AQR: variants seen among roughly 807,000 people sequenced by gnomAD.
The protein encoded by AQR is RNA helicase aquarius.
A neutral mutation model predicts 180.5 loss-of-function variants in AQR; 61 were observed. The observed-to-expected ratio is 0.34, with a 90% CI of 0.28 to 0.42. AQR has a LOEUF of 0.42. Among genes scored for constraint, AQR ranks in the 10% least tolerant of loss-of-function variants. The pLI is 1.00. For missense variants in AQR, 1,281 were observed against 1,798.3 expected (o/e 0.71, Z 5.20); for synonymous variants, 551 against 588.8 (o/e 0.94, Z 0.93).
rs1893503723 is a variant in AQR at position 34,911,817 on chromosome 15, TTGCTTTTGTTCTCCA to T, written c.1485-1519_1485-1505del. ...TGATGTGGTCCCCATTTACTTATTT[TTGCTTTTGTTCTCCA>T]TGCTTTTGGTATCACCCAAAAATCA... On this transcript the variant is annotated intron_variant, in intron 16 of 34. Coordinates refer to ENST00000156471, the MANE Select transcript of AQR (RefSeq NM_014691.3). Among the ~76,000 whole-genome samples, 4 of 152,294 alleles carry T rather than the reference TTGCTTTTGTTCTCCA, an allele frequency of 2.6e-5. No individual in the cohort carries two copies. The South Asian group carries it at 8.3e-4, about 32-fold the overall frequency.
intron 34 of AQR, 35 bp downstream of exon 34, chr15:34,860,007 G>T: frequency 8.9e-7 from 1 of 1,119,094 alleles, no homozygotes; most frequent in Non-Finnish European, 1.2e-6. Context: ...TATTTCTACA[G>T]CAAGAAAAAT....
intron 1 of AQR, among the ~76,000 whole-genome samples, chr15:34,967,760 TGAA>T (rs2050317672): frequency 6.6e-6 from 1 of 152,168 alleles, no homozygotes; most frequent in Non-Finnish European, 1.5e-5. Flanking sequence ...CACAACACTA[TGAA>T]GGATTTCAGC....
chr15:34,969,439 C>A, intron 1 of AQR, 100 bp downstream of exon 1: 2 of 1,223,830 alleles, frequency 1.6e-6, no homozygotes, highest in Non-Finnish European at 1.2e-6. Context: ...AAACGAATGC[C>A]TCCTCCGGAC....
intron 10 of AQR, among the ~76,000 whole-genome samples, chr15:34,933,459 C>CT (rs34956409): frequency 0.048 from 7,207 of 148,758 alleles, 224 homozygotes; most frequent in Middle Eastern, 0.071. Flanking sequence ...AGTATGAAAT[C>CT]TTTTTTTTTT....
chr15:34,948,409 T>G (rs1566995746), intron 4 of AQR, 25 bp from the exon 5 acceptor site: 1 of 1,607,280 alleles, frequency 6.2e-7, no homozygotes, highest in Non-Finnish European at 8.5e-7. Context: ...AAGCATAGAA[T>G]ACTTCATTAG....
intron 16 of AQR, among the ~76,000 whole-genome samples, chr15:34,914,410 A>C (rs1489861612): frequency 1.3e-5 from 2 of 152,146 alleles, no homozygotes; most frequent in East Asian, 3.8e-4. Context: ...GCAGGTGGGG[A>C]GTGGAGTTTA....
At chr15:34,936,309 C>T (rs1893943529) in intron 9 of AQR, among the ~76,000 whole-genome samples, 1 of 152,196 alleles carries the variant, frequency 6.6e-6, no homozygotes, top group Non-Finnish European at 1.5e-5. Context: ...TGTTTCCTAA[C>T]TACACAACCA....
Position 34,874,671 on chromosome 15 carries a change from T to C in AQR, c.3425+6A>G. 6.2e-7 allele frequency: 1 copy of C among 1,612,572 alleles called. No individual in the cohort carries two copies. Among genetic ancestry groups the C allele is most frequent in the South Asian group, 1.1e-5 (1 of 90,792 alleles). On this transcript the variant is annotated splice_donor_region_variant and intron_variant, in intron 29 of 34. Coordinates refer to ENST00000156471, the MANE Select transcript of AQR (RefSeq NM_014691.3). ...TGGGAATGATTTTTTTTCCTGTCTCTTTTACCTTGCTCTGGCTCTCCCTTG... is the reference window on the plus strand; with the variant it reads ...TGGGAATGATTTTTTTTCCTGTCTCCTTTACCTTGCTCTGGCTCTCCCTTG...
At chr15:34,889,910 A>C (rs1037088063) in intron 24 of AQR, among the ~76,000 whole-genome samples, 11 of 152,200 alleles carry the variant, frequency 7.2e-5, no homozygotes, top group South Asian at 2.1e-4. Context: ...ACAGTTTTGA[A>C]CTGGCAGCAT....
intron 4 of AQR, among the ~76,000 whole-genome samples, chr15:34,952,015 A>G (rs1330804312): frequency 6.6e-6 from 1 of 152,244 alleles, no homozygotes; most frequent in Admixed American, 6.5e-5. Context: ...TAGTTAATTC[A>G]TAATAATAAA....
intron 13 of AQR, among the ~76,000 whole-genome samples, chr15:34,920,927 C>T (rs952591951): frequency 6.6e-6 from 1 of 152,012 alleles, no homozygotes; most frequent in Non-Finnish European, 1.5e-5. Flanking sequence ...CACTGTACTC[C>T]AGCCTGGGCG....
intron 5 of AQR, among the ~76,000 whole-genome samples, chr15:34,946,419 CGGGA>C (rs999890970): frequency 2.5e-5 from 3 of 118,824 alleles, no homozygotes; most frequent in Non-Finnish European, 5.7e-5. Context: ...CCGCCCCGTC[CGGGA>C]GGGAGGTGGG....
In AQR at chr15:34,968,345, C is replaced by T. The variant is rs1050362392; in HGVS notation, c.75+1194G>A. On this transcript the variant is annotated intron_variant, in intron 1 of 34. Transcript: ENST00000156471. ...TCGGCTCACTGCAAGCTCCGCCTCC[C>T]GGGTTCACGCCATTCTCCTGCCTCA... Among the ~76,000 whole-genome samples the T allele has an allele frequency of 4.6e-5, 7 of 151,968 alleles. 1 individual carries two copies. Among genetic ancestry groups the T allele is most frequent in the Admixed American group, 1.3e-4 (2 of 15,270 alleles).
chr15:34,949,805 A>C (rs920693992), intron 4 of AQR, among the ~76,000 whole-genome samples: 5 of 142,430 alleles, frequency 3.5e-5, no homozygotes, highest in Non-Finnish European at 1.5e-5. Context: ...AAAAAAAAAA[A>C]AAAAAAAACC....
At chr15:34,872,575 C>T (rs565689882) in intron 30 of AQR, among the ~76,000 whole-genome samples, 1 of 152,096 alleles carries the variant, frequency 6.6e-6, no homozygotes, top group African/African-American at 2.4e-5. Flanking sequence ...TAATTAATTT[C>T]TAAGGTGGCT....
chr15:34,934,154 GAAAGA>G (rs985545790), intron 10 of AQR, among the ~76,000 whole-genome samples: 113 of 150,454 alleles, frequency 7.5e-4, no homozygotes, highest in African/African-American at 2.1e-3. Flanking sequence ...AGAAGAAAAG[GAAAGA>G]AAAGAAAAGA....
intron 2 of AQR, among the ~76,000 whole-genome samples, chr15:34,961,383 G>A (rs142383258): frequency 6.6e-6 from 1 of 151,940 alleles, no homozygotes; most frequent in Non-Finnish European, 1.5e-5. Context: ...AGGCCGAAGA[G>A]GGTGGATCAT....
At position 34,949,050 on chromosome 15, in the gene AQR, T is replaced by A. The variant is rs140940495; in HGVS notation, c.210-666A>T. Among the ~76,000 whole-genome samples the A allele has an allele frequency of 2.9e-4, 44 of 152,010 alleles. No individual in the cohort carries two copies. In the East Asian group the frequency reaches 8.3e-3, roughly 29 times the overall value. On this transcript the variant is annotated intron_variant, in intron 4 of 34. Coordinates refer to ENST00000156471, the MANE Select transcript of AQR (RefSeq NM_014691.3). Reference sequence around the variant, plus strand: ...TCTTGTGGCCCAGACTGGAGTACAATGGCGTAATCTTGGCTCACAGCAACC... The same window carrying A: ...TCTTGTGGCCCAGACTGGAGTACAAAGGCGTAATCTTGGCTCACAGCAACC...
At chr15:34,913,931 C>T (rs1427925257) in intron 16 of AQR, among the ~76,000 whole-genome samples, 2 of 152,164 alleles carry the variant, frequency 1.3e-5, no homozygotes, top group Non-Finnish European at 2.9e-5. Flanking sequence ...TTTATAGTCT[C>T]ACCCAGAATA....
Sources: allele counts gnomAD v4.1 joint callset (sites outside exome capture counted in the v4.1 genomes callset), GRCh38; gene constraint gnomAD v4.1.1; transcripts MANE v1.5; gene names NCBI Gene and HGNC (gene_info 2026-07-23, HGNC 2026-07-21).